Variants in GNAS-AS1 observed in about 807,000 individuals in gnomAD.
GNAS-AS1 encodes GNAS antisense RNA 1 (non-protein coding).
chr20:58,850,441 G>T (rs527929829), intron 1 of GNAS-AS1: 2 of 397,614 alleles, frequency 5.0e-6, no homozygotes, highest in Non-Finnish European at 4.4e-6. Context: ...GGTACTTTGG[G>T]GGTGAGCGCG....
At chr20:58,848,992 T>A (rs2086048104) in intron 1 of GNAS-AS1, 1 of 398,240 alleles carries the variant, frequency 2.5e-6, no homozygotes, top group Non-Finnish European at 4.4e-6. Flanking sequence ...TTCCTAGTCT[T>A]AATTTATCTT....
chr20:58,831,683 T>C (rs780064433), intron 4 of GNAS-AS1, among the ~76,000 whole-genome samples: 3 of 151,696 alleles, frequency 2.0e-5, no homozygotes, highest in Non-Finnish European at 4.4e-5. Context: ...TTGGGGAGGG[T>C]AGAATTCAAG....
At chr20:58,833,084 T>C (rs1399875665) in intron 4 of GNAS-AS1, among the ~76,000 whole-genome samples, 3 of 152,266 alleles carry the variant, frequency 2.0e-5, no homozygotes, top group African/African-American at 4.8e-5. Flanking sequence ...TGCTGGGCCA[T>C]TGGCTCCCTA....
exon 4 of GNAS-AS1, chr20:58,842,038 G>A: frequency 1.7e-6 from 1 of 605,136 alleles, no homozygotes; most frequent in Non-Finnish European, 2.4e-6. Flanking sequence ...GCAGGGGCCG[G>A]CGGCTCCGGC....
intron 4 of GNAS-AS1, among the ~76,000 whole-genome samples, chr20:58,833,412 T>C (rs1479355303): frequency 6.6e-6 from 1 of 152,186 alleles, no homozygotes. Flanking sequence ...TGCATTCTCA[T>C]TTCTGACGTT....
chr20:58,835,681 G>A (rs551996152), intron 4 of GNAS-AS1, among the ~76,000 whole-genome samples: 2 of 152,344 alleles, frequency 1.3e-5, no homozygotes, highest in Non-Finnish European at 2.9e-5. Context: ...TCACATCAAT[G>A]TGTGTGATGT....
In GNAS-AS1 at chr20:58,841,885, A is replaced by C. The variant is rs541613069; in HGVS notation, n.819+52T>G. The C allele has an allele frequency of 6.3e-5, 78 of 1,231,442 alleles. No individual in the cohort carries two copies. In the South Asian group the frequency reaches 1.9e-3, roughly 30 times the overall value. 76.3% of individuals were successfully genotyped at this position (1,231,442 alleles called of 1,614,324 possible). ...CGTCGCAAGTGGAAAGGTAAAGCGG[A>C]ACAAGGGACAGGCTGGAGACGGGGG... On this transcript the variant is annotated intron_variant and non_coding_transcript_variant, in intron 4 of 4. Transcript: ENST00000424094. The surrounding 1 kb of genome is among the most constrained non-coding windows in gnomAD (Gnocchi z 5.0).
chr20:58,838,438 ATGT>A (rs1224171866), intron 4 of GNAS-AS1, among the ~76,000 whole-genome samples: 1 of 152,312 alleles, frequency 6.6e-6, no homozygotes, highest in African/African-American at 2.4e-5. Flanking sequence ...AGATTAAACA[ATGT>A]TGGTGGGTAC....
chr20:58,824,005 G>A lies in GNAS-AS1; in HGVS notation n.820-4750C>T, dbSNP rs183601636. ...GCAGCGAGGAAATCCCCCACAGGGA[G>A]ATACAGAGAAAGGCTTCATTTTCCT... On this transcript the variant is annotated intron_variant and non_coding_transcript_variant, in intron 4 of 4. Coordinates refer to ENST00000424094, the Ensembl canonical transcript of GNAS-AS1. 133 of 398,686 alleles carry A rather than the reference G, an allele frequency of 3.3e-4. 2 individuals are homozygous for A. Among genetic ancestry groups the A allele is most frequent in the South Asian group, 2.3e-3 (18 of 7,864 alleles). The allele number at this position is 398,686 out of a possible 1,614,324, so 24.7% of individuals were successfully genotyped here.
At position 58,841,740 on chromosome 20, in the gene GNAS-AS1, C is replaced by T. The variant is rs56256830; in HGVS notation, n.819+197G>A. 4.6e-3 allele frequency: 5,693 copies of T among 1,227,132 alleles called. 15 individuals carry two copies. Among genetic ancestry groups the T allele is most frequent in the Non-Finnish European group, 5.6e-3 (5,508 of 985,454 alleles). The allele number at this position is 1,227,132 out of a possible 1,614,324, so 76.0% of individuals were successfully genotyped here. On this transcript the variant is annotated intron_variant and non_coding_transcript_variant, in intron 4 of 4. Transcript: ENST00000424094. This position sits in a 1 kb window ranked among gnomAD's most constrained non-coding sequence, Gnocchi z 5.0. ...GGGCTACCAGGGTTGAACGCACAGG[C>T]ATGGTCACGTCGGGGTATTGCCAAG...
At chr20:58,829,998 C>T (rs1238770394) in intron 4 of GNAS-AS1, among the ~76,000 whole-genome samples, 3 of 152,046 alleles carry the variant, frequency 2.0e-5, no homozygotes, top group Non-Finnish European at 2.9e-5. Context: ...ATTAAGAATC[C>T]ACTAAAAGAG....
chr20:58,835,110 C>G (rs1322360980), intron 4 of GNAS-AS1, among the ~76,000 whole-genome samples: 2 of 151,890 alleles, frequency 1.3e-5, no homozygotes, highest in Non-Finnish European at 2.9e-5. Context: ...GGGGCCAATA[C>G]CAAATTCTCG....
chr20:58,830,286 C>CCAT (rs1448159601), intron 4 of GNAS-AS1, among the ~76,000 whole-genome samples: 1,683 of 136,152 alleles, frequency 0.012, 56 homozygotes, highest in African/African-American at 0.028. Flanking sequence ...CGCCACACCA[C>CCAT]CATCACCACC....
chr20:58,830,501 A>AC (rs1568900486), intron 4 of GNAS-AS1, among the ~76,000 whole-genome samples: 5 of 85,652 alleles, frequency 5.8e-5, no homozygotes, highest in Admixed American at 1.3e-4. Flanking sequence ...CATCACCACC[A>AC]CACCACCATC....
At chr20:58,850,845 C>A (rs573544132) in exon 1 of GNAS-AS1, 1 of 398,860 alleles carries the variant, frequency 2.5e-6, no homozygotes, top group Non-Finnish European at 4.4e-6. Context: ...ACCCGCCCCC[C>A]ACCGGCTTCC....
intron 2 of GNAS-AS1, chr20:58,843,505 G>A (rs903719382): frequency 3.3e-5 from 5 of 152,180 alleles, no homozygotes; most frequent in African/African-American, 1.2e-4. Context: ...TGCTCAACTG[G>A]GGTTAGCATC....
chr20:58,829,556 T>C (rs1299532533), intron 4 of GNAS-AS1, among the ~76,000 whole-genome samples: 1 of 152,240 alleles, frequency 6.6e-6, no homozygotes, highest in African/African-American at 2.4e-5. Context: ...TGAGTTTCCC[T>C]AACAGGCTTA....
At chr20:58,849,338 C>T (rs2086060689) in intron 1 of GNAS-AS1, among the ~76,000 whole-genome samples, 1 of 152,162 alleles carries the variant, frequency 6.6e-6, no homozygotes, top group Admixed American at 6.5e-5. Context: ...CTTCTGAGTC[C>T]TCCCTACTCA....
At chr20:58,848,756 C>A (rs1461471227) in intron 2 of GNAS-AS1, 16 of 395,634 alleles carry the variant, frequency 4.0e-5, no homozygotes, top group African/African-American at 6.2e-5. Context: ...TCTTACTATA[C>A]CGGATTCCTC....
Sources: allele counts gnomAD v4.1 joint callset (sites outside exome capture counted in the v4.1 genomes callset), GRCh38; gene constraint gnomAD v4.1.1; non-coding constraint Gnocchi (gnomAD v3.1); transcripts MANE v1.5; gene names NCBI Gene and HGNC (gene_info 2026-07-23, HGNC 2026-07-21).